The following GRTP1 variants were observed in gnomAD, a reference collection of about 807,000 sequenced individuals.
The protein encoded by GRTP1 is growth hormone-regulated TBC protein 1.
In GRTP1, 56 loss-of-function variants were observed where a neutral mutation model predicts 38.1. That is an observed-to-expected ratio of 1.47 (90% CI 1.19 to 1.84). The LOEUF (loss-of-function observed/expected upper bound fraction) is 1.84. GRTP1 is among the 40% of genes most tolerant of loss of function. GRTP1 has a pLI of 0.00. For synonymous variants in GRTP1, 217 were observed against 189.5 expected, an observed-to-expected ratio of 1.14 and a Z score of -1.19; for missense variants, 506 against 453.9, an observed-to-expected ratio of 1.11 and a Z score of -1.04.
chr13:113,345,488 G>A (rs2043088605), intron 4 of GRTP1, among the ~76,000 whole-genome samples: 1 of 152,252 alleles, frequency 6.6e-6, no homozygotes, highest in Admixed American at 6.5e-5. Context: ...ATCGAGGGCA[G>A]CCCCAGACCC....
intron 2 of GRTP1, among the ~76,000 whole-genome samples, chr13:113,362,695 G>A (rs2043520704): frequency 6.6e-6 from 1 of 152,164 alleles, no homozygotes; most frequent in Non-Finnish European, 1.5e-5. Flanking sequence ...TGGCTTCTCT[G>A]TGCCTGGCCG....
At position 113,349,150 on chromosome 13, in the gene GRTP1, T is replaced by C. The variant is rs1375603983; in HGVS notation, c.465+1699A>G. On this transcript the variant is annotated intron_variant, in intron 4 of 7. Coordinates refer to ENST00000375431, the MANE Select transcript of GRTP1 (RefSeq NM_024719.4). This position sits in a 1 kb window ranked among gnomAD's most constrained non-coding sequence, Gnocchi z 5.0. ...CTTGACCTCCCAAAGTGCATGATTA[T>C]AGGCAAGGGCCACCCAGGTGGGTGG... 2.0e-5 allele frequency among the ~76,000 whole-genome samples: 3 copies of C among 150,970 alleles called. No individual in the cohort carries two copies. The highest frequency in any genetic ancestry group is 2.0e-4 in the East Asian group (1 of 5,062).
rs770505144 is a variant in GRTP1 at position 113,363,822 on chromosome 13, G to T, written c.121C>A (p.Arg41Ser). ...FFSSYLVTLT[R>S]RAIKWSRLLQ... ...AGCCGGGACCATTTGATCGCCCTGC[G>T]GGTGAGCGTGACCAGGTAGCTGGAG... Residue 41 changes from arginine to serine, a missense_variant, in exon 2 of 8, where the codon CGC (arginine) becomes AGC (serine). By Grantham distance (110) the Arg-to-Ser change is moderately radical (BLOSUM62 -1). Coordinates refer to ENST00000375431, the MANE Select transcript of GRTP1 (RefSeq NM_024719.4). The T allele has an allele frequency of 3.1e-6, 5 of 1,611,954 alleles. No homozygotes were observed. In the South Asian group the frequency reaches 4.4e-5, roughly 14 times the overall value.
At chr13:113,363,473 G>A (rs1248813223) in intron 2 of GRTP1, among the ~76,000 whole-genome samples, 2 of 152,190 alleles carry the variant, frequency 1.3e-5, no homozygotes, top group Non-Finnish European at 2.9e-5. Context: ...CCAAAGCGCT[G>A]GGATTACAGG....
intron 3 of GRTP1, among the ~76,000 whole-genome samples, chr13:113,351,461 G>GGCTGAGA (rs113895245): frequency 2.0e-5 from 3 of 152,206 alleles, no homozygotes; most frequent in East Asian, 1.9e-4. Flanking sequence ...TAAAGGACAC[G>GGCTGAGA]GCTGAGAGCT....
intron 5 of GRTP1, among the ~76,000 whole-genome samples, chr13:113,338,457 T>A (rs2042984032): frequency 6.6e-6 from 1 of 151,992 alleles, no homozygotes. Context: ...AACCAAACAG[T>A]CCGCAACAAC....
At chr13:113,357,383 T>C (rs984114443) in intron 2 of GRTP1, among the ~76,000 whole-genome samples, 1 of 140,570 alleles carries the variant, frequency 7.1e-6, no homozygotes, top group Non-Finnish European at 1.5e-5. Context: ...AGGCAGAGGT[T>C]GCAGTGAGCC....
At chr13:113,337,010 G>A (rs1250765567) in intron 5 of GRTP1, among the ~76,000 whole-genome samples, 1 of 152,146 alleles carries the variant, frequency 6.6e-6, no homozygotes, top group Non-Finnish European at 1.5e-5. Context: ...TAAACAAACT[G>A]AGGCCAGGCG....
At chr13:113,359,616 G>A (rs4907617) in intron 2 of GRTP1, 75,462 of 151,950 alleles carry the variant, frequency 0.5, 19,130 homozygotes, top group South Asian at 0.55. Context: ...GAGAAAGGTC[G>A]AAATGGCTAA....
intron 5 of GRTP1, among the ~76,000 whole-genome samples, chr13:113,335,832 G>A (rs930732455): frequency 1.1e-4 from 17 of 150,888 alleles, no homozygotes; most frequent in Admixed American, 2.7e-4. Context: ...TGCTGTTGTC[G>A]CCCAGGCTGG....
At chr13:113,344,737 G>GT in intron 5 of GRTP1, 126 bp downstream of exon 5, 1 of 212,438 alleles carries the variant, frequency 4.7e-6, no homozygotes, top group Non-Finnish European at 7.8e-6. Flanking sequence ...AAAAAAAAAC[G>GT]GTTTGTAACC....
chr13:113,325,754 C>A lies in GRTP1; in HGVS notation c.828G>T (p.Leu276Phe). The A allele has an allele frequency of 6.2e-7, 1 of 1,614,214 alleles. No individual in the cohort carries two copies. Among genetic ancestry groups the A allele is most frequent in the South Asian group, 1.1e-5 (1 of 91,074 alleles). ...CTGGAACGCTGGTGGCTTCCAAAAT[C>A]AACTCCTGGTGCTGCTTAATTAAGG... The part of the protein sequence containing the change: ...ALTLIKQHQE[L>F]ILEATSVPDI... The change falls in exon 7 of 8, where the codon TTG (leucine) becomes TTT (phenylalanine). Residue 276 changes from leucine (L) to phenylalanine (F), a missense_variant. By Grantham distance (22) the Leu-to-Phe change is conservative (BLOSUM62 0). Transcript: ENST00000375431.
At position 113,325,917 on chromosome 13, in the gene GRTP1, A is replaced by G; in HGVS notation, c.735+2T>C. 1 of 1,613,694 alleles carries G rather than the reference A, an allele frequency of 6.2e-7. No homozygotes were observed. The highest frequency in any genetic ancestry group is 1.1e-5 in the South Asian group (1 of 91,082). ...GCCCCAGGGCCCGAGTGAGGCGCTCACCTCCACGGGCAAGATGTCCACAAA... is the reference window on the plus strand; with the variant it reads ...GCCCCAGGGCCCGAGTGAGGCGCTCGCCTCCACGGGCAAGATGTCCACAAA... On this transcript the variant is annotated splice_donor_variant, in intron 6 of 7. Transcript: ENST00000375431. LOFTEE classifies it high-confidence loss of function.
At position 113,324,534 on chromosome 13, in the gene GRTP1, G is replaced by A. The variant is rs375373610; in HGVS notation, c.965C>T (p.Ala322Val). ...EPGSLSMATV[A>V]KLRESCRARL... is the part of the protein sequence containing the mutation. ...GGCCCTGCAGCTCTCGCGGAGCTTG[G>A]CGACGGTGGCCATGGATAAGCTTCC... The change falls in exon 8 of 8, where the codon GCC becomes GTC. Residue 322 changes from alanine to valine, a missense_variant. Physicochemically the swap from Ala to Val is moderately conservative, Grantham distance 64. Transcript: ENST00000375431. 1.2e-4 allele frequency: 190 copies of A among 1,611,876 alleles called. No individual in the cohort carries two copies. The highest frequency in any genetic ancestry group is 1.5e-4 in the Non-Finnish European group (172 of 1,179,244).
chr13:113,358,533 G>A (rs1595515468), intron 2 of GRTP1, among the ~76,000 whole-genome samples: 3 of 152,300 alleles, frequency 2.0e-5, no homozygotes, highest in South Asian at 4.1e-4. Context: ...AATGAAGTTG[G>A]AGGAGACATA....
chr13:113,363,600 C>G (rs1403295864), intron 2 of GRTP1, among the ~76,000 whole-genome samples, 162 bp downstream of exon 2: 1 of 152,204 alleles, frequency 6.6e-6, no homozygotes, highest in Non-Finnish European at 1.5e-5. Flanking sequence ...AGCGGGAAAA[C>G]CGGTCCCTGC....
intron 2 of GRTP1, among the ~76,000 whole-genome samples, chr13:113,356,417 G>A (rs899744815): frequency 2.0e-5 from 3 of 152,048 alleles, no homozygotes; most frequent in Non-Finnish European, 4.4e-5. Flanking sequence ...AAAGGCACCT[G>A]CCAACATGCC....
chr13:113,353,410 G>C (rs1742683904), intron 3 of GRTP1, among the ~76,000 whole-genome samples: 1 of 152,250 alleles, frequency 6.6e-6, no homozygotes, highest in Admixed American at 6.5e-5. Context: ...GCCCATGCGT[G>C]GAATATTATT....
At chr13:113,354,348 C>T (rs539358446) in intron 3 of GRTP1, among the ~76,000 whole-genome samples, 1 of 152,306 alleles carries the variant, frequency 6.6e-6, no homozygotes, top group Admixed American at 6.5e-5. Context: ...AGGAGACCCC[C>T]AGGAAGGGCA....
Sources: allele counts gnomAD v4.1 joint callset (sites outside exome capture counted in the v4.1 genomes callset), GRCh38; gene constraint gnomAD v4.1.1; non-coding constraint Gnocchi (gnomAD v3.1); transcripts MANE v1.5; gene names NCBI Gene and HGNC (gene_info 2026-07-23, HGNC 2026-07-21).